Variants in MTHFD1L observed in about 807,000 individuals in gnomAD.
MTHFD1L encodes the protein monofunctional C1-tetrahydrofolate synthase, mitochondrial.
Under a neutral mutation model 119.5 loss-of-function variants are expected in MTHFD1L, and 81 were observed. The ratio of observed to expected loss-of-function variants is 0.68; its 90% CI spans 0.57 to 0.82. The LOEUF is 0.82. Ranked by LOEUF, MTHFD1L falls within the 40% of genes least tolerant of loss-of-function variation. MTHFD1L has a pLI of 0.00. For synonymous variants in MTHFD1L, 430 were observed against 475.2 expected, an observed-to-expected ratio of 0.90 and a Z score of 1.24; for missense variants, 1,125 against 1,253.4, an observed-to-expected ratio of 0.90 and a Z score of 1.55.
chr6:151,047,062 A>G (rs1788206552), intron 26 of MTHFD1L, among the ~76,000 whole-genome samples: 1 of 151,782 alleles, frequency 6.6e-6, no homozygotes, highest in South Asian at 2.1e-4. Flanking sequence ...CCACCCGCAG[A>G]TATCAGATTA....
chr6:151,100,557 TA>T (rs1795286770), intron 27 of MTHFD1L, among the ~76,000 whole-genome samples: 1 of 152,062 alleles, frequency 6.6e-6, no homozygotes, highest in Non-Finnish European at 1.5e-5. Context: ...CTTCCATGTG[TA>T]AGTTCAGATT....
At chr6:150,950,265 A>G (rs1197143739) in intron 16 of MTHFD1L, among the ~76,000 whole-genome samples, 2 of 152,170 alleles carry the variant, frequency 1.3e-5, no homozygotes, top group Non-Finnish European at 2.9e-5. Context: ...TCTAGTCAGC[A>G]GTGCCGACCT....
At chr6:151,088,429 T>C (rs1159290045) in intron 26 of MTHFD1L, 1 of 152,128 alleles carries the variant, frequency 6.6e-6, no homozygotes, top group Non-Finnish European at 1.5e-5. Flanking sequence ...TCACACTTTC[T>C]GGCATTTAAT....
rs796791348 is a variant in MTHFD1L, at chr6:150,926,775, AT to A, written c.1256+483del. On this transcript the variant is annotated intron_variant, in intron 11 of 27. Transcript: ENST00000367321. The surrounding 1 kb of genome is among the most constrained non-coding windows in gnomAD (Gnocchi z 4.3). The stretch of plus-strand genomic sequence containing the variant: ...AAGCTCATTATTTCCCTTTTTCTGC[AT>A]TTCAAAACTAATGTTGGGCCATTTT... Among the ~76,000 whole-genome samples the A allele has an allele frequency of 1.4e-4, 21 of 152,294 alleles. No individual in the cohort carries two copies. The highest frequency in any genetic ancestry group is 4.8e-4 in the African/African-American group (20 of 41,550).
intron 12 of MTHFD1L, among the ~76,000 whole-genome samples, chr6:150,937,509 CAATTACAGTTTGTCCT>C (rs1792306137): frequency 2.0e-5 from 3 of 152,168 alleles, no homozygotes; most frequent in Non-Finnish European, 4.4e-5. Context: ...GTTATTGCTG[CAATTACAGTTTGTCCT>C]TGGCACTTCG....
chr6:151,041,925 A>C, intron 26 of MTHFD1L: 1 of 428,520 alleles, frequency 2.3e-6, no homozygotes, highest in Non-Finnish European at 4.7e-6. Context: ...TTTCGCTTCT[A>C]AATATTTACT....
intron 20 of MTHFD1L, among the ~76,000 whole-genome samples, chr6:151,008,021 AT>A (rs1188747466): frequency 6.6e-6 from 1 of 152,176 alleles, no homozygotes; most frequent in Non-Finnish European, 1.5e-5. Flanking sequence ...GGTCATAAAA[AT>A]TTTTTATGTC....
rs143391077 is a variant in MTHFD1L at position 150,949,036 on chromosome 6, G to A, written c.1629G>A (p.Leu543=). Residue 543 remains leucine (L), a synonymous_variant, in exon 16 of 28, where the codon CTG becomes CTA. Coordinates refer to ENST00000367321, the MANE Select transcript of MTHFD1L (RefSeq NM_015440.5). ...SEIQLARLKK[L]GINKTDPSTL... Reference sequence around the variant, plus strand: ...TTTTTCTTCTTAATCATTAGAAACTGGGAATAAATAAGACTGATCCGAGCA... The same window carrying A: ...TTTTTCTTCTTAATCATTAGAAACTAGGAATAAATAAGACTGATCCGAGCA... 5.0e-5 allele frequency: 81 copies of A among 1,612,784 alleles called. No homozygotes were observed. In the African/African-American group the frequency reaches 1.0e-3, roughly 20 times the overall value.
At position 150,923,899 on chromosome 6, in the gene MTHFD1L, A is replaced by G. The variant is rs1308918090; in HGVS notation, c.1082+1597A>G. Among the ~76,000 whole-genome samples, 3 of 152,122 alleles carry G rather than the reference A, an allele frequency of 2.0e-5. No homozygotes were observed. The East Asian group carries it at 5.8e-4, about 29-fold the overall frequency. ...TGTAATATCATCCCTGGGCTTGTGC[A>G]ATCTGTTTCATAAAATATCTTATTT... On this transcript the variant is annotated intron_variant, in intron 10 of 27. Coordinates refer to ENST00000367321, the MANE Select transcript of MTHFD1L (RefSeq NM_015440.5).
At chr6:150,986,714 G>GT (rs1033342273) in intron 20 of MTHFD1L, among the ~76,000 whole-genome samples, 5 of 151,968 alleles carry the variant, frequency 3.3e-5, no homozygotes, top group Admixed American at 2.0e-4. Flanking sequence ...CTCTGTTTTT[G>GT]TTTTTTTGGA....
At chr6:151,000,547 G>A (rs532936936) in intron 20 of MTHFD1L, among the ~76,000 whole-genome samples, 2 of 152,310 alleles carry the variant, frequency 1.3e-5, no homozygotes, top group South Asian at 4.1e-4. Context: ...CTTAAGATGA[G>A]TTGGATCCTC....
intron 26 of MTHFD1L, among the ~76,000 whole-genome samples, chr6:151,080,481 C>T: frequency 6.6e-6 from 1 of 152,140 alleles, no homozygotes; most frequent in East Asian, 1.9e-4. Context: ...TCTGCCTCTG[C>T]CCTTGCAGTT....
intron 15 of MTHFD1L, among the ~76,000 whole-genome samples, chr6:150,946,376 C>T (rs1467319570): frequency 6.6e-6 from 1 of 152,248 alleles, no homozygotes. Context: ...TCTCAAACGC[C>T]TGACCTCAAG....
chr6:151,006,832 T>G (rs1313951061), intron 20 of MTHFD1L, among the ~76,000 whole-genome samples: 1 of 152,078 alleles, frequency 6.6e-6, no homozygotes, highest in Non-Finnish European at 1.5e-5. Context: ...TGCATCCAGT[T>G]GGAAAGAACT....
Position 150,992,070 on chromosome 6 carries a change from A to G in MTHFD1L, c.2126-17749A>G, listed in dbSNP as rs182670928. Among the ~76,000 whole-genome samples the G allele has an allele frequency of 3.3e-5, 5 of 152,296 alleles. No individual in the cohort carries two copies. In the East Asian group the frequency reaches 9.7e-4, roughly 29 times the overall value. On this transcript the variant is annotated intron_variant, in intron 20 of 27. Coordinates refer to ENST00000367321, the MANE Select transcript of MTHFD1L (RefSeq NM_015440.5). Reference sequence around the variant, plus strand: ...TTTTGCCAGGACTGTACTTTAAGATACTGTTTCTTTCCAACCCCCCATCAG... The same window carrying G: ...TTTTGCCAGGACTGTACTTTAAGATGCTGTTTCTTTCCAACCCCCCATCAG...
At chr6:151,006,124 G>A (rs978028378) in intron 20 of MTHFD1L, among the ~76,000 whole-genome samples, 8 of 145,350 alleles carry the variant, frequency 5.5e-5, no homozygotes, top group South Asian at 2.4e-4. Context: ...GAGACGGCAC[G>A]TCAGTGTACT....
intron 10 of MTHFD1L, among the ~76,000 whole-genome samples, chr6:150,924,178 A>C (rs175853): frequency 6.6e-6 from 1 of 152,126 alleles, no homozygotes; most frequent in East Asian, 1.9e-4. Flanking sequence ...AAATCGGATG[A>C]TGTCTCTGTG....
At chr6:151,032,108 T>C (rs1278825395) in intron 24 of MTHFD1L, among the ~76,000 whole-genome samples, 1 of 152,244 alleles carries the variant, frequency 6.6e-6, no homozygotes, top group Non-Finnish European at 1.5e-5. Flanking sequence ...TTCTTTGTTC[T>C]TTTGGTTTTG....
In MTHFD1L at chr6:151,039,008, G is replaced by A. The variant is rs1786632653; in HGVS notation, c.2847+1891G>A. On this transcript the variant is annotated intron_variant, in intron 26 of 27. Transcript: ENST00000367321. This position sits in a 1 kb window ranked among gnomAD's most constrained non-coding sequence, Gnocchi z 4.4. The stretch of plus-strand genomic sequence containing the variant: ...ACACAGTGCTTCAAAGAAAGAGGCA[G>A]GAAGGTCACCCTGGTGGGTTTAAGG... Among the ~76,000 whole-genome samples, 1 of 152,186 alleles carries A rather than the reference G, an allele frequency of 6.6e-6. No individual in the cohort carries two copies. The highest frequency in any genetic ancestry group is 2.4e-5 in the African/African-American group (1 of 41,444).
Sources: allele counts gnomAD v4.1 joint callset (sites outside exome capture counted in the v4.1 genomes callset), GRCh38; gene constraint gnomAD v4.1.1; non-coding constraint Gnocchi (gnomAD v3.1); transcripts MANE v1.5; gene names NCBI Gene and HGNC (gene_info 2026-07-23, HGNC 2026-07-21).